The following PEBP4 variants were observed in gnomAD, a reference collection of about 807,000 sequenced individuals.
PEBP4 encodes the protein phosphatidylethanolamine binding protein 4.
A neutral mutation model predicts 23.9 loss-of-function variants in PEBP4; 22 were observed. That is an observed-to-expected ratio of 0.92 (90% CI 0.66 to 1.31). PEBP4 has a LOEUF of 1.31. Ranked by LOEUF, PEBP4 falls within the 40% of genes most tolerant of loss-of-function variation. The pLI, the probability that PEBP4 is intolerant of heterozygous loss-of-function variation, is 0.00. For synonymous variants in PEBP4, 112 were observed against 99.3 expected, an observed-to-expected ratio of 1.13 and a Z score of -0.76; for missense variants, 324 against 281.7, an observed-to-expected ratio of 1.15 and a Z score of -1.07.
chr8:22,924,772 T>G (rs1809287628), intron 2 of PEBP4: 1 of 985,184 alleles, frequency 1.0e-6, no homozygotes, highest in African/African-American at 1.7e-5. Context: ...CATGGTTCTT[T>G]CCATTCTGCG....
intron 4 of PEBP4, among the ~76,000 whole-genome samples, chr8:22,815,317 C>T (rs1403183940): frequency 2.0e-5 from 3 of 152,342 alleles, no homozygotes; most frequent in South Asian, 2.1e-4. Context: ...CTCCCCAGAC[C>T]GACCGAGGTG....
At chr8:22,810,620 A>G (rs575627031) in intron 4 of PEBP4, among the ~76,000 whole-genome samples, 1 of 150,816 alleles carries the variant, frequency 6.6e-6, no homozygotes, top group Admixed American at 6.6e-5. Context: ...CTGAGTTCAG[A>G]GTTGGGTGAG....
chr8:22,816,854 A>G (rs1806751290), intron 4 of PEBP4, among the ~76,000 whole-genome samples: 1 of 152,216 alleles, frequency 6.6e-6, no homozygotes. Flanking sequence ...ACTCATGAAC[A>G]AAAGGATTCA....
chr8:22,744,365 C>T (rs1280839025), intron 4 of PEBP4, among the ~76,000 whole-genome samples: 2 of 152,152 alleles, frequency 1.3e-5, no homozygotes, highest in South Asian at 2.1e-4. Context: ...TGTGGTCTTC[C>T]GGTCAGAGCC....
chr8:22,716,724 G>A (rs1163594858), intron 6 of PEBP4, among the ~76,000 whole-genome samples: 1 of 152,188 alleles, frequency 6.6e-6, no homozygotes. Context: ...AGACTGAGAG[G>A]TGCTCTGCCA....
At chr8:22,883,911 G>T (rs147200892) in intron 3 of PEBP4, 1 of 152,100 alleles carries the variant, frequency 6.6e-6, no homozygotes, top group Non-Finnish European at 1.5e-5. Flanking sequence ...CAAAAAAAAG[G>T]GGGGACAACT....
chr8:22,798,945 T>C (rs6995762), intron 4 of PEBP4, among the ~76,000 whole-genome samples: 96,204 of 151,396 alleles, frequency 0.64, 30,797 homozygotes, highest in South Asian at 0.71. Flanking sequence ...ACAATGTTGG[T>C]CAGGCTGGTC....
chr8:22,894,203 A>T (rs1471275659), intron 3 of PEBP4, among the ~76,000 whole-genome samples: 1 of 152,194 alleles, frequency 6.6e-6, no homozygotes, highest in Non-Finnish European at 1.5e-5. Context: ...GATGAATATA[A>T]AGATGTTGGA....
At chr8:22,851,256 C>T (rs1267001960) in intron 3 of PEBP4, among the ~76,000 whole-genome samples, 2 of 152,166 alleles carry the variant, frequency 1.3e-5, no homozygotes, top group East Asian at 1.9e-4. Flanking sequence ...ATGCGAAAGA[C>T]CCGGAGCCCA....
rs768967211 is a variant in PEBP4, at chr8:22,927,698, C to T, written c.17G>A (p.Arg6Lys). Residue 6 changes from arginine (R) to lysine (K), a missense_variant, in exon 2 of 7, where the codon AGG becomes AAG. Arg to Lys is a conservative substitution (Grantham distance 26, BLOSUM62 2). Coordinates refer to ENST00000256404, the MANE Select transcript of PEBP4 (RefSeq NM_144962.3). MGWTM[R>K]LVTAALLLGL... ...CAGTAACAGTGCTGCTGTGACCAGC[C>T]TCATTGTCCAACCCATGGGCACCTG... The T allele has an allele frequency of 5.6e-6, 9 of 1,613,872 alleles. No individual in the cohort carries two copies. In the South Asian group the frequency reaches 7.7e-5, roughly 14 times the overall value.
intron 3 of PEBP4, among the ~76,000 whole-genome samples, chr8:22,898,250 G>A (rs1293642422): frequency 1.3e-5 from 2 of 151,722 alleles, no homozygotes; most frequent in African/African-American, 4.8e-5. Context: ...AAATTAGCCA[G>A]GTGTGGTGGT....
At chr8:22,860,619 T>C (rs549628642) in intron 3 of PEBP4, among the ~76,000 whole-genome samples, 2 of 152,382 alleles carry the variant, frequency 1.3e-5, no homozygotes, top group South Asian at 2.1e-4. Context: ...GTTGTGTTTA[T>C]GCATTCCCAT....
At chr8:22,870,103 G>A (rs1361356669) in intron 3 of PEBP4, among the ~76,000 whole-genome samples, 1 of 152,184 alleles carries the variant, frequency 6.6e-6, no homozygotes, top group Non-Finnish European at 1.5e-5. Flanking sequence ...CACAAAACCT[G>A]CACCAGCCAG....
At chr8:22,901,465 G>C (rs1052578754) in intron 3 of PEBP4, among the ~76,000 whole-genome samples, 44 of 152,202 alleles carry the variant, frequency 2.9e-4, no homozygotes, top group Admixed American at 2.0e-3. Context: ...GTGTTGTGTT[G>C]ATCTTCAGCT....
chr8:22,784,121 A>T (rs1805981784), intron 4 of PEBP4, among the ~76,000 whole-genome samples: 1 of 152,076 alleles, frequency 6.6e-6, no homozygotes, highest in Admixed American at 6.5e-5. Flanking sequence ...TGTTGTGGGG[A>T]TTATGGAGAC....
intron 3 of PEBP4, among the ~76,000 whole-genome samples, chr8:22,823,484 T>C (rs543865884): frequency 2.2e-4 from 33 of 151,774 alleles, no homozygotes; most frequent in Admixed American, 8.5e-4. Flanking sequence ...GTGAAATAAG[T>C]AAGTTACAGA....
rs1309830730 is a variant in PEBP4 at position 22,922,582 on chromosome 8, AAAC to A, written c.132-2275_132-2273del. Among the ~76,000 whole-genome samples, 85 of 93,932 alleles carry A rather than the reference AAAC, an allele frequency of 9.0e-4. No homozygotes were observed. In the East Asian group the frequency reaches 0.039, roughly 43 times the overall value. The allele number at this position is 93,932 out of a possible 152,430, so 61.6% of individuals were successfully genotyped here. A position where few individuals can be genotyped will look rare whatever the true frequency, so the allele number is the denominator to read the frequency against. On this transcript the variant is annotated intron_variant, in intron 2 of 6. Coordinates refer to ENST00000256404, the MANE Select transcript of PEBP4 (RefSeq NM_144962.3). ...TCTACCAAAAATTAAAAAAACAAAC[AAAC>A]AAAAAAAAAACACCATGGTAGTGCC...
intron 3 of PEBP4, among the ~76,000 whole-genome samples, chr8:22,820,917 G>T (rs1806844496): frequency 6.6e-6 from 1 of 152,180 alleles, no homozygotes; most frequent in Non-Finnish European, 1.5e-5. Flanking sequence ...TTTGGGGCTG[G>T]GCATGGTGGC....
At chr8:22,737,988 C>G (rs1010147024) in intron 4 of PEBP4, among the ~76,000 whole-genome samples, 1 of 152,078 alleles carries the variant, frequency 6.6e-6, no homozygotes, top group Non-Finnish European at 1.5e-5. Flanking sequence ...ATGCTGCCTC[C>G]GTCCACCCTT....
Sources: gnomAD v4.1 joint callset for allele counts (sites outside exome capture counted in the v4.1 genomes callset) on GRCh38, gnomAD v4.1.1 for gene constraint, MANE v1.5 for transcripts, NCBI Gene and HGNC (gene_info 2026-07-23, HGNC 2026-07-21) for gene names.